The following MEGF11 variants were observed in gnomAD, a reference collection of about 807,000 sequenced individuals.
The protein encoded by MEGF11 is multiple epidermal growth factor-like domains protein 11.
In MEGF11, 126 loss-of-function variants were observed where a neutral mutation model predicts 146.6. The observed-to-expected ratio is 0.86, with a 90% confidence interval of 0.74 to 1.00. MEGF11 has a LOEUF of 1.00. MEGF11 is among the 50% of genes least tolerant of loss of function. The pLI is 0.00. For missense variants in MEGF11, 1,509 were observed against 1,521.2 expected (o/e 0.99, Z 0.13); for synonymous variants, 532 against 583.4 (o/e 0.91, Z 1.27).
chr15:65,910,225 A>C (rs756690185), intron 21 of MEGF11, among the ~76,000 whole-genome samples: 5 of 152,094 alleles, frequency 3.3e-5, no homozygotes, highest in Non-Finnish European at 5.9e-5. Flanking sequence ...CTGCCACCTG[A>C]TCCTGATTGG....
chr15:65,923,168 G>A (rs1334447293), intron 13 of MEGF11, among the ~76,000 whole-genome samples, 199 bp from the exon 14 acceptor site: 1 of 152,226 alleles, frequency 6.6e-6, no homozygotes, highest in African/African-American at 2.4e-5. Flanking sequence ...TCTAAAAGTC[G>A]AGGAGGAATT....
intron 4 of MEGF11, among the ~76,000 whole-genome samples, chr15:66,104,250 G>A (rs1327998469): frequency 2.0e-5 from 3 of 152,180 alleles, no homozygotes; most frequent in African/African-American, 7.2e-5. Context: ...TCACAGTCTG[G>A]TCACTGTTAG....
In MEGF11 at chr15:65,946,730, C is replaced by T. The variant is rs185424428; in HGVS notation, c.1287+10817G>A. ...CTTATTCTGTGACATCACCATCTCCCGACACAGAGAATGGAGGTCAAATAC... is the reference window on the plus strand; with the variant it reads ...CTTATTCTGTGACATCACCATCTCCTGACACAGAGAATGGAGGTCAAATAC... On this transcript the variant is annotated intron_variant, in intron 10 of 25. Transcript: ENST00000395614. Among the ~76,000 whole-genome samples, 8 of 152,300 alleles carry T rather than the reference C, an allele frequency of 5.3e-5. No homozygotes were observed. The East Asian group carries it at 7.7e-4, about 15-fold the overall frequency.
intron 1 of MEGF11, among the ~76,000 whole-genome samples, chr15:66,227,298 A>C (rs903913999): frequency 6.6e-6 from 1 of 152,092 alleles, no homozygotes; most frequent in Non-Finnish European, 1.5e-5. Context: ...ATTAAACAGG[A>C]TAACGCGTGG....
intron 4 of MEGF11, among the ~76,000 whole-genome samples, chr15:66,113,244 TG>T (rs1391302945): frequency 1.3e-5 from 2 of 152,068 alleles, no homozygotes; most frequent in African/African-American, 4.8e-5. Context: ...TCCCTTTCCC[TG>T]GGGACAACCT....
chr15:66,239,401 A>G (rs1473968185), intron 1 of MEGF11, among the ~76,000 whole-genome samples: 1 of 152,232 alleles, frequency 6.6e-6, no homozygotes, highest in African/African-American at 2.4e-5. Flanking sequence ...TCACCTGCTC[A>G]AGAACCACTG....
intron 1 of MEGF11, among the ~76,000 whole-genome samples, chr15:66,241,816 C>T (rs17256910): frequency 0.17 from 25,745 of 152,128 alleles, 2,657 homozygotes; most frequent in Middle Eastern, 0.3. Context: ...CAACCCAACA[C>T]GCAAAGACAC....
chr15:65,909,319 A>G (rs1360188207), intron 22 of MEGF11, among the ~76,000 whole-genome samples, 184 bp from the exon 23 acceptor site: 1 of 151,988 alleles, frequency 6.6e-6, no homozygotes, highest in Non-Finnish European at 1.5e-5. Context: ...GTTAGAGCCA[A>G]GGTCATCTGC....
intron 20 of MEGF11, among the ~76,000 whole-genome samples, chr15:65,913,260 C>T (rs1272651676): frequency 3.9e-5 from 6 of 152,146 alleles, no homozygotes. Context: ...GGTACTGTCC[C>T]CTTCCGCTGT....
Position 65,982,590 on chromosome 15 carries a change from T to C in MEGF11, c.395-102A>G. The C allele has an allele frequency of 1.5e-6, 2 of 1,349,748 alleles. No individual in the cohort carries two copies. The highest frequency in any genetic ancestry group is 1.7e-5 in the South Asian group (1 of 59,678). The allele number at this position is 1,349,748 out of a possible 1,614,324, so 83.6% of individuals were successfully genotyped here. A position where few individuals can be genotyped will look rare whatever the true frequency, so the allele number is the denominator to read the frequency against. The stretch of plus-strand genomic sequence containing the variant: ...TGCGGCCTTCCCATCTTTGCAGCGC[T>C]GCTCCCCGGACAGGTGGCAGCAAGG... On this transcript the variant is annotated intron_variant, in intron 5 of 25. Coordinates refer to ENST00000395614, the MANE Select transcript of MEGF11 (RefSeq NM_001385028.1). The surrounding 1 kb of genome is among the most constrained non-coding windows in gnomAD (Gnocchi z 5.6).
At chr15:66,169,541 C>T (rs4776756) in intron 1 of MEGF11, among the ~76,000 whole-genome samples, 4,439 of 152,356 alleles carry the variant, frequency 0.029, 69 homozygotes, top group Non-Finnish European at 0.038. Context: ...AACCCGCATA[C>T]TTGCTGGCTT....
chr15:66,015,198 C>T (rs2082845722), intron 5 of MEGF11, among the ~76,000 whole-genome samples: 2 of 152,196 alleles, frequency 1.3e-5, no homozygotes, highest in African/African-American at 4.8e-5. Flanking sequence ...GTCCCCTCTC[C>T]CCTCACCAGC....
intron 5 of MEGF11, among the ~76,000 whole-genome samples, chr15:66,053,822 G>A (rs1427207891): frequency 6.8e-6 from 1 of 148,026 alleles, no homozygotes; most frequent in African/African-American, 2.5e-5. Flanking sequence ...CAACCTCCCT[G>A]GGCTCAGGTG....
At chr15:66,065,027 C>T (rs762752876) in intron 5 of MEGF11, among the ~76,000 whole-genome samples, 4 of 152,128 alleles carry the variant, frequency 2.6e-5, no homozygotes, top group African/African-American at 9.7e-5. Flanking sequence ...TGCCAATAAG[C>T]CCTGATTCAC....
chr15:66,077,506 C>T (rs151200703), intron 5 of MEGF11, among the ~76,000 whole-genome samples: 229 of 152,286 alleles, frequency 1.5e-3, no homozygotes, highest in African/African-American at 5.4e-3. Flanking sequence ...AACCCAGAGC[C>T]CCATAATCTT....
intron 1 of MEGF11, among the ~76,000 whole-genome samples, chr15:66,251,721 G>T (rs570874510): frequency 6.6e-6 from 1 of 152,350 alleles, no homozygotes; most frequent in African/African-American, 2.4e-5. Flanking sequence ...CAGAAGTCAG[G>T]AGACTTGGTT....
chr15:66,139,661 C>T (rs910357815), intron 1 of MEGF11, among the ~76,000 whole-genome samples: 3 of 151,072 alleles, frequency 2.0e-5, no homozygotes, highest in Non-Finnish European at 2.9e-5. Flanking sequence ...GCCGAGGTAA[C>T]GATCTATTTC....
chr15:66,001,240 C>T (rs960317785), intron 5 of MEGF11, among the ~76,000 whole-genome samples: 2 of 152,146 alleles, frequency 1.3e-5, no homozygotes, highest in Non-Finnish European at 2.9e-5. Context: ...CACACGCCCC[C>T]ACGAAAGTTT....
At chr15:66,002,342 T>C (rs28441674) in intron 5 of MEGF11, among the ~76,000 whole-genome samples, 3,412 of 152,286 alleles carry the variant, frequency 0.022, 131 homozygotes, top group African/African-American at 0.077. Context: ...AGTAGAGCTC[T>C]CTAGGGGTGA....
Sources: allele counts gnomAD v4.1 joint callset (sites outside exome capture counted in the v4.1 genomes callset), GRCh38; gene constraint gnomAD v4.1.1; non-coding constraint Gnocchi (gnomAD v3.1); transcripts MANE v1.5; gene names NCBI Gene and HGNC (gene_info 2026-07-23, HGNC 2026-07-21).